The following DGUOK variants were observed in gnomAD, a reference collection of about 807,000 sequenced individuals.
DGUOK encodes deoxyguanosine kinase, mitochondrial.
DGUOK carries 30 observed loss-of-function variants against 36.6 expected under a neutral mutation model. That is an observed-to-expected ratio of 0.82 (90% CI 0.61 to 1.11). The LOEUF (loss-of-function observed/expected upper bound fraction) is 1.11, where lower values mean the gene tolerates loss of function less well. Among genes scored for constraint, DGUOK ranks in the 50% most tolerant of loss-of-function variants. The pLI is 0.00. For missense variants in DGUOK, 361 were observed against 336.4 expected, an observed-to-expected ratio of 1.07 and a Z score of -0.57; for synonymous variants, 145 against 126.3, an observed-to-expected ratio of 1.15 and a Z score of -0.99.
At chr2:73,933,526 G>C (rs989819294) in intron 1 of DGUOK, among the ~76,000 whole-genome samples, 50 of 152,202 alleles carry the variant, frequency 3.3e-4, no homozygotes, top group Non-Finnish European at 1.0e-4. Context: ...CAAGGCGGGA[G>C]GAGGGGATGT....
At chr2:73,942,878 G>C in intron 2 of DGUOK, among the ~76,000 whole-genome samples, 1 of 152,274 alleles carries the variant, frequency 6.6e-6, no homozygotes, top group South Asian at 2.1e-4. Flanking sequence ...TACTAGAATA[G>C]TAACTGTTTT....
At chr2:73,950,863 G>A in intron 4 of DGUOK, 131 bp downstream of exon 4, 1 of 1,250,504 alleles carries the variant, frequency 8.0e-7, no homozygotes, top group Non-Finnish European at 1.2e-6. Context: ...GAGCAGTGGG[G>A]GACACCCTCC....
At chr2:73,947,497 TCAG>T (rs1682421893) in intron 3 of DGUOK, 1 of 179,122 alleles carries the variant, frequency 5.6e-6, no homozygotes, top group Admixed American at 5.4e-5. Context: ...CTAGTGGACA[TCAG>T]TGCCTGTGTC....
In DGUOK at chr2:73,952,320, G is replaced by C. The variant is rs199636182; in HGVS notation, c.591+1588G>C. On this transcript the variant is annotated intron_variant, in intron 4 of 6. Transcript: ENST00000264093. ...CTTCTTTCAATAGTCTTCATTGCCT[G>C]AGAGCCAGAATAGAAGAAGGGGATT... Among the ~76,000 whole-genome samples, 22 of 152,350 alleles carry C rather than the reference G, an allele frequency of 1.4e-4. No individual in the cohort carries two copies. The East Asian group carries it at 2.9e-3, about 20-fold the overall frequency.
At chr2:73,956,987 AAACAAG>A in intron 4 of DGUOK, 132 bp from the exon 5 acceptor site, 3 of 584,848 alleles carry the variant, frequency 5.1e-6, no homozygotes, top group South Asian at 2.1e-5. Flanking sequence ...TTGCATAAGA[AAACAAG>A]ACAGCAGAAG....
intron 1 of DGUOK, among the ~76,000 whole-genome samples, chr2:73,931,393 G>T (rs923357316): frequency 6.6e-6 from 1 of 152,170 alleles, no homozygotes; most frequent in Non-Finnish European, 1.5e-5. Context: ...TCCTGTCTCA[G>T]CCTCCCAAGT....
chr2:73,941,926 T>G (rs1414607754), intron 2 of DGUOK, among the ~76,000 whole-genome samples: 1 of 140,954 alleles, frequency 7.1e-6, no homozygotes. Flanking sequence ...TTTTTTTTTT[T>G]GAAACGGGGT....
At chr2:73,931,758 A>G (rs1264942949) in intron 1 of DGUOK, among the ~76,000 whole-genome samples, 4 of 152,220 alleles carry the variant, frequency 2.6e-5, no homozygotes, top group African/African-American at 9.6e-5. Context: ...GGATGAATGA[A>G]TAGATGAATT....
intron 1 of DGUOK, among the ~76,000 whole-genome samples, chr2:73,930,794 CTTTT>C (rs1028341314): frequency 5.6e-5 from 2 of 35,664 alleles, no homozygotes; most frequent in Non-Finnish European, 7.1e-5. Flanking sequence ...TTTTTTTTTT[CTTTT>C]TTTTTTTTTT....
At chr2:73,930,782 CTTTTTTTT>C (rs1020072202) in intron 1 of DGUOK, among the ~76,000 whole-genome samples, 2 of 95,476 alleles carry the variant, frequency 2.1e-5, no homozygotes, top group African/African-American at 7.5e-5. Context: ...ACATAATTTT[CTTTTTTTT>C]TTTCTTTTTT....
At chr2:73,932,853 T>G (rs746059549) in intron 1 of DGUOK, among the ~76,000 whole-genome samples, 1 of 152,226 alleles carries the variant, frequency 6.6e-6, no homozygotes, top group Non-Finnish European at 1.5e-5. Flanking sequence ...GTCAAAAGCT[T>G]GGTACCTAGA....
chr2:73,954,992 A>T (rs1169695759), intron 4 of DGUOK, among the ~76,000 whole-genome samples: 3 of 152,212 alleles, frequency 2.0e-5, no homozygotes, highest in Admixed American at 2.0e-4. Flanking sequence ...AGCAAGAGTT[A>T]TGCCAAATGC....
At chr2:73,942,000 C>T (rs1681940423) in intron 2 of DGUOK, among the ~76,000 whole-genome samples, 1 of 151,356 alleles carries the variant, frequency 6.6e-6, no homozygotes, top group Admixed American at 6.6e-5. Context: ...CCTCTGCCTT[C>T]CGAGTTCAAG....
In DGUOK at chr2:73,958,259, T is replaced by C. The variant is rs768231624; in HGVS notation, c.807+14T>C. 1 of 1,592,174 alleles carries C rather than the reference T, an allele frequency of 6.3e-7. No individual in the cohort carries two copies. The highest frequency in any genetic ancestry group is 1.1e-5 in the South Asian group (1 of 90,502). On this transcript the variant is annotated intron_variant, in intron 6 of 6. Transcript: ENST00000264093. ...CTCATGAGAGAGGTGGGAAGGACTT[T>C]AACTCCTGTTTTCTGGTGGTTTCCT...
intron 1 of DGUOK, among the ~76,000 whole-genome samples, chr2:73,933,787 T>C (rs1343872521): frequency 1.3e-5 from 2 of 152,224 alleles, no homozygotes; most frequent in Non-Finnish European, 2.9e-5. Flanking sequence ...GGGCAAGCTC[T>C]CAGCCTAGAT....
In DGUOK at chr2:73,958,195, AATG is replaced by A. The variant is rs1161348996; in HGVS notation, c.763_765del (p.Asp255del). The stretch of plus-strand genomic sequence containing the variant: ...CATTCCAGTGCTGGTGTTGGATGTC[AATG>A]ATGATTTTTCTGAGGAAGTAACCAA... On this transcript the variant is annotated inframe_deletion, in exon 6 of 7. Coordinates refer to ENST00000264093, the MANE Select transcript of DGUOK (RefSeq NM_080916.3). The A allele has an allele frequency of 3.1e-6, 5 of 1,613,838 alleles. No homozygotes were observed. Among genetic ancestry groups the A allele is most frequent in the Non-Finnish European group, 4.2e-6 (5 of 1,179,816 alleles).
At chr2:73,950,784 G>T (rs1295043333) in intron 4 of DGUOK, 52 bp downstream of exon 4, 1 of 1,610,010 alleles carries the variant, frequency 6.2e-7, no homozygotes, top group Non-Finnish European at 8.5e-7. Context: ...AACCTAAGAA[G>T]TGACATTCTC....
chr2:73,958,592 A>T, intron 6 of DGUOK, 118 bp from the exon 7 acceptor site: 1 of 860,202 alleles, frequency 1.2e-6, no homozygotes, highest in Non-Finnish European at 2.0e-6. Flanking sequence ...CTCCATGCCT[A>T]TTATTTTCCT....
chr2:73,956,991 A>G (rs990680791), intron 4 of DGUOK, 134 bp from the exon 5 acceptor site: 1 of 597,428 alleles, frequency 1.7e-6, no homozygotes, highest in Non-Finnish European at 3.1e-6. Context: ...ATAAGAAAAC[A>G]AGACAGCAGA....
Sources: allele counts gnomAD v4.1 joint callset (sites outside exome capture counted in the v4.1 genomes callset), GRCh38; gene constraint gnomAD v4.1.1; transcripts MANE v1.5; gene names NCBI Gene and HGNC (gene_info 2026-07-23, HGNC 2026-07-21).